Variants in ENPP1 observed in about 807,000 individuals in gnomAD.
ENPP1 encodes ectonucleotide pyrophosphatase/phosphodiesterase 1.
Under a neutral mutation model 122.8 loss-of-function variants are expected in ENPP1, and 73 were observed. The observed-to-expected ratio is 0.59, with a 90% CI of 0.49 to 0.72. ENPP1 has a LOEUF of 0.72. Among genes scored for constraint, ENPP1 ranks in the 30% least tolerant of loss-of-function variants. The pLI, the probability that ENPP1 is intolerant of heterozygous loss-of-function variation, is 0.00. For synonymous variants in ENPP1, 367 were observed against 391.6 expected (o/e 0.94, Z 0.74); for missense variants, 978 against 1,128.1 (o/e 0.87, Z 1.91).
In ENPP1 at chr6:131,860,347, G is replaced by A. The variant is rs144151931; in HGVS notation, c.796-40G>A. 1.4e-3 allele frequency: 2,090 copies of A among 1,484,812 alleles called. 21 individuals are homozygous for A. The African/African-American group carries it at 0.025, about 18-fold the overall frequency. The allele number at this position is 1,484,812 out of a possible 1,614,324, so 92.0% of individuals were successfully genotyped here. A position where few individuals can be genotyped will look rare whatever the true frequency, so the allele number is the denominator to read the frequency against. ...TTTCTGTGAATGTATTTAACATTAA[G>A]TAAACACAACTTGCATATAATCTGT... On this transcript the variant is annotated intron_variant, in intron 7 of 24. Coordinates refer to ENST00000647893, the MANE Select transcript of ENPP1 (RefSeq NM_006208.3).
intron 1 of ENPP1, among the ~76,000 whole-genome samples, chr6:131,843,581 A>G (rs1781768233): frequency 6.6e-6 from 1 of 151,412 alleles, no homozygotes; most frequent in Non-Finnish European, 1.5e-5. Flanking sequence ...CCTTTCAGCC[A>G]TTCCACCCAT....
intron 1 of ENPP1, among the ~76,000 whole-genome samples, chr6:131,829,194 T>C (rs2114668633): frequency 6.6e-6 from 1 of 152,376 alleles, no homozygotes; most frequent in East Asian, 1.9e-4. Context: ...GAAAGAGCTG[T>C]TCTGCACCAT....
Position 131,850,058 on chromosome 6 carries a change from G to A in ENPP1, c.382G>A (p.Glu128Lys), listed in dbSNP as rs772256206. 1.9e-6 allele frequency: 3 copies of A among 1,613,920 alleles called. No individual in the cohort carries two copies. The highest frequency in any genetic ancestry group is 2.5e-6 in the Non-Finnish European group (3 of 1,179,958). ...CTGTCGCTGTGATGCTGCCTGTGTT[G>A]AGCTTGGAAACTGCTGTTTAGATTA... ...GNCRCDAACV[E>K]LGNCCLDYQE... The change falls in exon 3 of 25, where the codon GAG (glutamate) becomes AAG (lysine). Residue 128 changes from glutamate to lysine, a missense_variant. By Grantham distance (56) the Glu-to-Lys change is moderately conservative (BLOSUM62 1). This residue lies in a region of ENPP1 where 330 missense variants were observed against 328.5 expected (regional missense o/e 1.00). Coordinates refer to ENST00000647893, the MANE Select transcript of ENPP1 (RefSeq NM_006208.3).
intron 19 of ENPP1, among the ~76,000 whole-genome samples, chr6:131,879,064 T>C (rs1782269302): frequency 6.6e-6 from 1 of 152,222 alleles, no homozygotes; most frequent in African/African-American, 2.4e-5. Flanking sequence ...GACTTGAATG[T>C]TTGGAGTCAC....
At chr6:131,846,213 T>G (rs1306893317) in intron 1 of ENPP1, among the ~76,000 whole-genome samples, 1 of 152,164 alleles carries the variant, frequency 6.6e-6, no homozygotes, top group Non-Finnish European at 1.5e-5. Flanking sequence ...ACCATCTACT[T>G]GGTCCTATTC....
intron 11 of ENPP1, among the ~76,000 whole-genome samples, chr6:131,866,264 G>A (rs978192243): frequency 9.2e-5 from 14 of 151,970 alleles, no homozygotes; most frequent in African/African-American, 3.4e-4. Flanking sequence ...TAATTTTCTA[G>A]GGCTTCACTC....
At chr6:131,827,552 G>A (rs375849829) in intron 1 of ENPP1, 6 of 604,796 alleles carry the variant, frequency 9.9e-6, no homozygotes, top group Admixed American at 5.0e-5. Flanking sequence ...CATGTCAACT[G>A]AACAGTCAAT....
intron 24 of ENPP1, among the ~76,000 whole-genome samples, chr6:131,887,725 AT>A (rs757759048): frequency 0.012 from 1,386 of 114,844 alleles, 38 homozygotes; most frequent in African/African-American, 0.031. Flanking sequence ...CACCCGGCTA[AT>A]TTTTTTTTTT....
At chr6:131,850,433 G>A (rs767870355) in intron 3 of ENPP1, among the ~76,000 whole-genome samples, 2 of 151,734 alleles carry the variant, frequency 1.3e-5, no homozygotes, top group Admixed American at 6.6e-5. Flanking sequence ...GTTCTTTGAC[G>A]GCAAGAGATC....
chr6:131,824,979 G>A (rs1735545110), intron 1 of ENPP1, among the ~76,000 whole-genome samples: 1 of 152,034 alleles, frequency 6.6e-6, no homozygotes, highest in African/African-American at 2.4e-5. Context: ...AGAATTGCTT[G>A]AACCCGGGAG....
rs1782528510 is a variant in ENPP1 at position 131,895,029 on chromosome 6, T to C, written c.*4518T>C. ...AAGTAAAATTTTATAATGACTGCAG[T>C]CCAAGGACATTTTCCCTGGTTTTTG... is the stretch of plus-strand genomic sequence containing the variant. On this transcript the variant is annotated 3_prime_UTR_variant, in exon 25 of 25. Transcript: ENST00000647893. The C allele has an allele frequency of 2.0e-5, 3 of 152,230 alleles. No homozygotes were observed. The highest frequency in any genetic ancestry group is 2.0e-4 in the Admixed American group (3 of 15,292). The allele number at this position is 152,230 out of a possible 1,614,324, so 9.4% of individuals were successfully genotyped here.
chr6:131,865,910 C>A (rs1463515997), intron 11 of ENPP1, among the ~76,000 whole-genome samples: 1 of 151,736 alleles, frequency 6.6e-6, no homozygotes, highest in Non-Finnish European at 1.5e-5. Context: ...GCAAGAGAAT[C>A]GCTTGAACCC....
At chr6:131,850,158 A>G (rs1055563242) in intron 3 of ENPP1, 52 bp downstream of exon 3, 2 of 1,254,646 alleles carry the variant, frequency 1.6e-6, no homozygotes, top group Admixed American at 1.7e-5. Context: ...GAAAAGATCA[A>G]GGAAAGTTCT....
rs116186550 is a variant in ENPP1, at chr6:131,862,303, G to A, written c.1025+599G>A. Reference sequence around the variant, plus strand: ...AGACATGAAAAATGAGGTCATGGTGGAGGTAGAGATCTGGGAGTGGGAGTA... The same window carrying A: ...AGACATGAAAAATGAGGTCATGGTGAAGGTAGAGATCTGGGAGTGGGAGTA... On this transcript the variant is annotated intron_variant, in intron 9 of 24. Coordinates refer to ENST00000647893, the MANE Select transcript of ENPP1 (RefSeq NM_006208.3). Among the ~76,000 whole-genome samples the A allele has an allele frequency of 6.6e-3, 1,006 of 152,304 alleles. 27 individuals are homozygous for A. The highest frequency in any genetic ancestry group is 0.023 in the African/African-American group (964 of 41,556).
Position 131,851,153 on chromosome 6 carries a change from A to C in ENPP1, c.442A>C (p.Thr148Pro). 1 of 1,614,082 alleles carries C rather than the reference A, an allele frequency of 6.2e-7. No homozygotes were observed. The highest frequency in any genetic ancestry group is 8.5e-7 in the Non-Finnish European group (1 of 1,179,932). ...ATGTTTGTTTCTAGAACATATATGG[A>C]CTTGCAACAAATTCAGGTGTGGTGA... is the stretch of plus-strand genomic sequence containing the variant. ...ETCIEPEHIW[T>P]CNKFRCGEKR... The change falls in exon 4 of 25, where the codon ACT becomes CCT. Residue 148 changes from threonine (T) to proline (P), a missense_variant. Thr to Pro is a conservative substitution (Grantham distance 38). Around this residue, in one of 3 missense-constraint regions of ENPP1, gnomAD observed 330 missense variants for 328.5 expected, o/e 1.00. Coordinates refer to ENST00000647893, the MANE Select transcript of ENPP1 (RefSeq NM_006208.3).
intron 1 of ENPP1, 147 bp from the exon 2 acceptor site, chr6:131,847,629 C>A: frequency 1.6e-6 from 1 of 619,006 alleles, no homozygotes; most frequent in Non-Finnish European, 2.8e-6. Flanking sequence ...TCCCTTGATG[C>A]CAGGATTTCG....
intron 1 of ENPP1, among the ~76,000 whole-genome samples, chr6:131,833,144 C>A (rs1038335584): frequency 2.6e-5 from 4 of 152,040 alleles, no homozygotes. Context: ...ATTGAAATGA[C>A]CTTTTAGAAA....
chr6:131,850,391 C>T (rs1781865919), intron 3 of ENPP1, among the ~76,000 whole-genome samples: 1 of 152,000 alleles, frequency 6.6e-6, no homozygotes, highest in South Asian at 2.1e-4. Context: ...ATTCTAAAAG[C>T]CTGCTTGAAA....
rs1782424498 is a variant in ENPP1 at position 131,889,004 on chromosome 6, A to C, written c.2608-1337A>C. Reference sequence around the variant, plus strand: ...TCCCTCTTTCTGCTCCACCATTCTTAGCATGTGGCTTTGGCCCACGTGGGC... The same window carrying C: ...TCCCTCTTTCTGCTCCACCATTCTTCGCATGTGGCTTTGGCCCACGTGGGC... On this transcript the variant is annotated intron_variant, in intron 24 of 24. Coordinates refer to ENST00000647893, the MANE Select transcript of ENPP1 (RefSeq NM_006208.3). Among the ~76,000 whole-genome samples the C allele has an allele frequency of 3.9e-5, 6 of 152,122 alleles. No individual in the cohort carries two copies. The South Asian group carries it at 1.2e-3, about 31-fold the overall frequency.
Sources: gnomAD v4.1 joint callset for allele counts (sites outside exome capture counted in the v4.1 genomes callset) on GRCh38, gnomAD v4.1.1 for gene constraint, gnomAD v4.1.1 regional missense constraint, MANE v1.5 for transcripts, NCBI Gene and HGNC (gene_info 2026-07-23, HGNC 2026-07-21) for gene names.